MBD5: variants seen among roughly 807,000 people sequenced by gnomAD.
The protein encoded by MBD5 is methyl-CpG-binding domain protein 5.
In MBD5, 13 loss-of-function variants were observed where a neutral mutation model predicts 117.3. The ratio of observed to expected loss-of-function variants is 0.11; its 90% confidence interval spans 0.07 to 0.18. The LOEUF is 0.18. MBD5 is among the 10% of genes least tolerant of loss of function. MBD5 has a pLI of 1.00. For synonymous variants in MBD5, 727 were observed against 766.4 expected (o/e 0.95, Z 0.85); for missense variants, 1,879 against 2,093.8 (o/e 0.90, Z 2.00).
rs374100073 is a variant in MBD5 at position 148,336,641 on chromosome 2, C to G, written c.-679-5573C>G. On this transcript the variant is annotated intron_variant, in intron 3 of 13. Coordinates refer to ENST00000642680, the MANE Select transcript of MBD5 (RefSeq NM_001378120.1). ...GACTCAAGCAGTTCTCCCACCTCAG[C>G]CTTCCAAAGTGCTGGGATTACAGAC... is the stretch of plus-strand genomic sequence containing the variant. Among the ~76,000 whole-genome samples, 4 of 152,306 alleles carry G rather than the reference C, an allele frequency of 2.6e-5. 1 individual carries two copies. The highest frequency in any genetic ancestry group is 9.6e-5 in the African/African-American group (4 of 41,562).
intron 2 of MBD5, among the ~76,000 whole-genome samples, chr2:148,211,339 A>G (rs1295895178): frequency 6.6e-6 from 1 of 152,174 alleles, no homozygotes; most frequent in Non-Finnish European, 1.5e-5. Context: ...ATCCTATTGT[A>G]GTAGCTTTGA....
chr2:148,484,167 AAAG>A, intron 9 of MBD5, 32 bp downstream of exon 9: 1 of 1,410,162 alleles, frequency 7.1e-7, no homozygotes, highest in Non-Finnish European at 9.3e-7. Flanking sequence ...ATTTTTTACA[AAAG>A]AAACGTTTTT....
At chr2:148,363,393 C>G (rs182079177) in intron 4 of MBD5, among the ~76,000 whole-genome samples, 1 of 151,980 alleles carries the variant, frequency 6.6e-6, no homozygotes, top group African/African-American at 2.4e-5. Flanking sequence ...CCACCACGCC[C>G]GGCTAATTTT....
chr2:148,026,615 CT>C (rs1225115368), intron 1 of MBD5: 4 of 152,030 alleles, frequency 2.6e-5, no homozygotes, highest in African/African-American at 9.7e-5. Flanking sequence ...AGAGCGGGAC[CT>C]TGTCTCTAAA....
At chr2:148,261,507 C>T (rs1195884277) in intron 3 of MBD5, among the ~76,000 whole-genome samples, 2 of 152,218 alleles carry the variant, frequency 1.3e-5, no homozygotes, top group East Asian at 1.9e-4. Context: ...GCAGCTTCCT[C>T]ACCTCTCTCA....
At chr2:148,244,281 T>C (rs1304963675) in intron 3 of MBD5, 5 of 152,124 alleles carry the variant, frequency 3.3e-5, no homozygotes, top group Admixed American at 2.6e-4. Flanking sequence ...GTAAAGCTTA[T>C]ATTGTTATAG....
chr2:148,345,414 T>C (rs1310483420), intron 4 of MBD5, among the ~76,000 whole-genome samples: 7 of 144,146 alleles, frequency 4.9e-5, no homozygotes, highest in Non-Finnish European at 1.1e-4. Flanking sequence ...CACATATACA[T>C]ATACATATAT....
At chr2:148,486,676 A>G (rs1006848538) in intron 10 of MBD5, among the ~76,000 whole-genome samples, 24 of 152,234 alleles carry the variant, frequency 1.6e-4, no homozygotes, top group African/African-American at 4.6e-4. Context: ...AAAAATTAGC[A>G]ATAGATATGA....
At chr2:148,482,664 G>C (rs1050714636) in intron 8 of MBD5, among the ~76,000 whole-genome samples, 2 of 151,984 alleles carry the variant, frequency 1.3e-5, no homozygotes, top group African/African-American at 4.8e-5. Flanking sequence ...CTAAAAGGAA[G>C]TAGTAGTTTT....
intron 1 of MBD5, among the ~76,000 whole-genome samples, chr2:148,147,230 AT>A (rs1697489238): frequency 6.6e-6 from 1 of 151,430 alleles, no homozygotes; most frequent in Non-Finnish European, 1.5e-5. Flanking sequence ...TTATTTATTT[AT>A]TTTTATTTTA....
rs769990607 is a variant in MBD5, at chr2:148,470,146, A to G, written c.2203A>G (p.Asn735Asp). Residue 735 changes from asparagine (N) to aspartate (D), a missense_variant, in exon 8 of 14, where the codon AAC becomes GAC. By Grantham distance (23) the Asn-to-Asp change is conservative. This residue lies in a region of MBD5 where 1,666 missense variants were observed against 1,792.2 expected (regional missense o/e 0.93). Transcript: ENST00000642680. ...AAATACTGCTTTGCCTTGCTCTGCT[A>G]ACCAGCTGCATTTTACAGATCCCAG... is the stretch of plus-strand genomic sequence containing the variant. ...ASNTALPCSA[N>D]QLHFTDPSMN... is the part of the protein sequence containing the mutation. 1.2e-6 allele frequency: 2 copies of G among 1,613,922 alleles called. No homozygotes were observed. Among genetic ancestry groups the G allele is most frequent in the Non-Finnish European group, 1.7e-6 (2 of 1,179,898 alleles).
intron 1 of MBD5, among the ~76,000 whole-genome samples, chr2:148,076,604 G>C (rs762408646): frequency 2.6e-5 from 4 of 152,220 alleles, no homozygotes; most frequent in Non-Finnish European, 4.4e-5. Flanking sequence ...TGTGAAGTTA[G>C]TCTTCTAGGT....
At chr2:148,086,442 T>A (rs920561919) in intron 1 of MBD5, among the ~76,000 whole-genome samples, 2 of 152,186 alleles carry the variant, frequency 1.3e-5, no homozygotes, top group Non-Finnish European at 2.9e-5. Context: ...ATGGTGATAT[T>A]ATGTTTATTT....
chr2:148,373,170 G>A (rs1357766536), intron 4 of MBD5, among the ~76,000 whole-genome samples: 5 of 152,112 alleles, frequency 3.3e-5, no homozygotes, highest in Non-Finnish European at 5.9e-5. Context: ...CCACAGGAAA[G>A]CAAGAAGGCC....
chr2:148,486,566 C>T (rs1182560982), intron 10 of MBD5, among the ~76,000 whole-genome samples: 2 of 151,990 alleles, frequency 1.3e-5, no homozygotes, highest in Non-Finnish European at 2.9e-5. Context: ...CAAATGACAA[C>T]CTGGCAGAAA....
intron 1 of MBD5, among the ~76,000 whole-genome samples, chr2:148,140,313 C>T (rs1697282810): frequency 6.6e-6 from 1 of 152,096 alleles, no homozygotes; most frequent in African/African-American, 2.4e-5. Context: ...AAGCACCAAA[C>T]ACTACTACTA....
chr2:148,279,579 A>G (rs997081047), intron 3 of MBD5, among the ~76,000 whole-genome samples: 32 of 152,302 alleles, frequency 2.1e-4, no homozygotes, highest in African/African-American at 7.5e-4. Flanking sequence ...CCCACAATCC[A>G]CTATCACAGT....
At chr2:148,042,928 A>G (rs886376346) in intron 1 of MBD5, among the ~76,000 whole-genome samples, 1 of 152,142 alleles carries the variant, frequency 6.6e-6, no homozygotes, top group African/African-American at 2.4e-5. Context: ...TTTAGGTCTT[A>G]GCTCCCTTTG....
chr2:148,117,812 C>A (rs1696676757), intron 1 of MBD5, among the ~76,000 whole-genome samples: 1 of 152,132 alleles, frequency 6.6e-6, no homozygotes, highest in African/African-American at 2.4e-5. Context: ...ATATTATTAT[C>A]CCCATTTTGC....
Sources: gnomAD v4.1 joint callset for allele counts (sites outside exome capture counted in the v4.1 genomes callset) on GRCh38, gnomAD v4.1.1 for gene constraint, gnomAD v4.1.1 regional missense constraint, MANE v1.5 for transcripts, NCBI Gene and HGNC (gene_info 2026-07-23, HGNC 2026-07-21) for gene names.